The following USP53 variants were observed in gnomAD, a reference collection of about 807,000 sequenced individuals.
The protein encoded by USP53 is ubiquitin specific peptidase 53, also known as ubiquitin carboxyl-terminal hydrolase 53.
Under a neutral mutation model 94.9 loss-of-function variants are expected in USP53, and 71 were observed. That is an observed-to-expected ratio of 0.75 (90% confidence interval 0.62 to 0.91). USP53 has a LOEUF of 0.91. USP53 is among the 40% of genes least tolerant of loss of function. USP53 has a pLI of 0.00. For missense variants in USP53, 1,173 were observed against 1,281.0 expected (o/e 0.92, Z 1.29); for synonymous variants, 375 against 422.7 (o/e 0.89, Z 1.39).
intron 2 of USP53, among the ~76,000 whole-genome samples, chr4:119,216,627 A>G (rs1195514529): frequency 5.3e-5 from 8 of 152,230 alleles, no homozygotes; most frequent in African/African-American, 1.9e-4. Context: ...ATTCCCAAAC[A>G]TTCATTTTAT....
chr4:119,261,874 ACTTT>A lies in USP53; in HGVS notation c.972+15_972+18del. ...TGCAAATGTGAAAGAGGTAAGTGAC[ACTTT>A]CTTTAATTGAAATAATTACTGTGAT... On this transcript the variant is annotated intron_variant, in intron 12 of 18. Coordinates refer to ENST00000692078, the MANE Select transcript of USP53 (RefSeq NM_001371395.1). 1 of 1,440,562 alleles carries A rather than the reference ACTTT, an allele frequency of 6.9e-7. No individual in the cohort carries two copies. Among genetic ancestry groups the A allele is most frequent in the Non-Finnish European group, 9.2e-7 (1 of 1,081,236 alleles). 89.2% of individuals were successfully genotyped at this position (1,440,562 alleles called of 1,614,324 possible). A position where few individuals can be genotyped will look rare whatever the true frequency, so the allele number is the denominator to read the frequency against.
chr4:119,270,881 C>G (rs976339766), intron 15 of USP53, among the ~76,000 whole-genome samples: 1 of 152,132 alleles, frequency 6.6e-6, no homozygotes, highest in Non-Finnish European at 1.5e-5. Flanking sequence ...CAGTTGCCCT[C>G]TTGAAAGACT....
At chr4:119,255,533 G>A (rs1021040794) in intron 7 of USP53, among the ~76,000 whole-genome samples, 7 of 152,206 alleles carry the variant, frequency 4.6e-5, no homozygotes, top group Non-Finnish European at 1.0e-4. Context: ...GCAAGGCTCC[G>A]TGGGTGTCGG....
At chr4:119,266,258 G>T in intron 12 of USP53, 1 of 456,088 alleles carries the variant, frequency 2.2e-6, no homozygotes, top group Non-Finnish European at 4.4e-6. Context: ...ACCTGTTGAA[G>T]TATGAGTAAT....
chr4:119,275,639 T>G (rs1752527256), intron 17 of USP53, among the ~76,000 whole-genome samples: 2 of 151,902 alleles, frequency 1.3e-5, no homozygotes, highest in South Asian at 2.1e-4. Context: ...GTGAAGAAAG[T>G]CATTGGTAGC....
At chr4:119,287,496 A>G (rs1343449175) in intron 17 of USP53, among the ~76,000 whole-genome samples, 1 of 152,174 alleles carries the variant, frequency 6.6e-6, no homozygotes, top group Non-Finnish European at 1.5e-5. Context: ...TATCTAAGAT[A>G]AAGAACACTT....
intron 12 of USP53, among the ~76,000 whole-genome samples, chr4:119,266,680 G>T (rs921480468): frequency 2.0e-5 from 3 of 151,276 alleles, no homozygotes; most frequent in African/African-American, 7.3e-5. Context: ...TCTTTATTCT[G>T]CATACCAGTC....
chr4:119,226,278 A>T (rs1486034171), intron 3 of USP53, among the ~76,000 whole-genome samples: 2 of 152,220 alleles, frequency 1.3e-5, no homozygotes, highest in African/African-American at 4.8e-5. Flanking sequence ...TTCTGTTCTT[A>T]CTTCTTCCTT....
intron 3 of USP53, among the ~76,000 whole-genome samples, chr4:119,233,269 A>G (rs189490885): frequency 4.6e-4 from 70 of 151,270 alleles, no homozygotes; most frequent in African/African-American, 1.6e-3. Flanking sequence ...TTGTTTGACT[A>G]TAAATTGACT....
intron 2 of USP53, among the ~76,000 whole-genome samples, chr4:119,216,918 G>A (rs1045490588): frequency 3.9e-5 from 6 of 152,088 alleles, no homozygotes; most frequent in Non-Finnish European, 8.8e-5. Flanking sequence ...ATCATTTTAC[G>A]TGGAAGATAA....
At chr4:119,277,777 G>T (rs772337788) in intron 17 of USP53, among the ~76,000 whole-genome samples, 9,910 of 120,280 alleles carry the variant, frequency 0.082, 418 homozygotes, top group Non-Finnish European at 0.11. Context: ...TATGAATCTG[G>T]GTGCTCCTGT....
intron 3 of USP53, chr4:119,219,164 G>C (rs1210020112): frequency 6.6e-6 from 1 of 150,796 alleles, no homozygotes; most frequent in Non-Finnish European, 1.5e-5. Context: ...TATTATATTA[G>C]TTTCCTAGGG....
chr4:119,226,208 C>T (rs1745230579), intron 3 of USP53, among the ~76,000 whole-genome samples: 1 of 152,176 alleles, frequency 6.6e-6, no homozygotes, highest in African/African-American at 2.4e-5. Context: ...CTACAGCTAA[C>T]CCTACACATA....
intron 17 of USP53, among the ~76,000 whole-genome samples, chr4:119,280,522 G>T (rs1179052875): frequency 6.6e-6 from 1 of 152,100 alleles, no homozygotes; most frequent in African/African-American, 2.4e-5. Context: ...AAAAGAGAAT[G>T]GTCCATTGAG....
In USP53 at chr4:119,212,853, G is replaced by A. The variant is rs1049395243; in HGVS notation, c.-962G>A. On this transcript the variant is annotated 5_prime_UTR_variant, in exon 1 of 19. Transcript: ENST00000692078. Reference sequence around the variant, plus strand: ...TCTACCTGGACCGCACGCTCCTCGCGCAAGGAGGGTAGAGCTCAAGGTAAG... The same window carrying A: ...TCTACCTGGACCGCACGCTCCTCGCACAAGGAGGGTAGAGCTCAAGGTAAG... 1 of 221,396 alleles carries A rather than the reference G, an allele frequency of 4.5e-6. No individual in the cohort carries two copies. Among genetic ancestry groups the A allele is most frequent in the Non-Finnish European group, 9.6e-6 (1 of 104,690 alleles). 13.7% of individuals were successfully genotyped at this position (221,396 alleles called of 1,614,324 possible).
chr4:119,251,329 C>T lies in USP53; in HGVS notation c.372+2447C>T, dbSNP rs372861698. Among the ~76,000 whole-genome samples the T allele has an allele frequency of 2.7e-4, 41 of 152,140 alleles. No homozygotes were observed. The South Asian group carries it at 7.3e-3, about 27-fold the overall frequency. ...TCGATGAACATTTGGGTTGGTTCCA[C>T]GTCTTTGCTATTGTGAATAGTGCCA... On this transcript the variant is annotated intron_variant, in intron 7 of 18. Transcript: ENST00000692078.
intron 12 of USP53, 138 bp downstream of exon 12, chr4:119,262,002 CAGTA>C (rs1750576037): frequency 1.2e-6 from 1 of 822,750 alleles, no homozygotes; most frequent in Non-Finnish European, 1.7e-6. Context: ...ATGATAGCAT[CAGTA>C]AGTTCAAACT....
At chr4:119,291,104 G>A in intron 17 of USP53, 61 bp from the exon 18 acceptor site, 1 of 806,434 alleles carries the variant, frequency 1.2e-6, no homozygotes. Context: ...AATAAATTCT[G>A]TAACATAATT....
At chr4:119,269,025 A>G (rs918244077) in intron 14 of USP53, among the ~76,000 whole-genome samples, 3 of 152,218 alleles carry the variant, frequency 2.0e-5, no homozygotes, top group Admixed American at 2.0e-4. Flanking sequence ...ATAATGTGTA[A>G]TCATAAAAGT....
Sources: gnomAD v4.1 joint callset for allele counts (sites outside exome capture counted in the v4.1 genomes callset) on GRCh38, gnomAD v4.1.1 for gene constraint, MANE v1.5 for transcripts, NCBI Gene and HGNC (gene_info 2026-07-23, HGNC 2026-07-21) for gene names.